The following TEX26 variants were observed in gnomAD, a reference collection of about 807,000 sequenced individuals.
TEX26 encodes the protein testis-expressed protein 26.
TEX26 carries 34 observed loss-of-function variants against 35.3 expected under a neutral mutation model. That is an observed-to-expected ratio of 0.96 (90% CI 0.73 to 1.28). TEX26 has a LOEUF of 1.28. Ranked by LOEUF, TEX26 falls within the 50% of genes most tolerant of loss-of-function variation. The pLI, the probability that TEX26 is intolerant of heterozygous loss-of-function variation, is 0.00. For missense variants in TEX26, 371 were observed against 330.1 expected (o/e 1.12, Z -0.96); for synonymous variants, 136 against 111.8 (o/e 1.22, Z -1.36).
At chr13:30,944,443 ATT>A (rs1953627579) in intron 2 of TEX26, among the ~76,000 whole-genome samples, 1 of 150,666 alleles carries the variant, frequency 6.6e-6, no homozygotes, top group South Asian at 2.1e-4. Flanking sequence ...GTTTAATTTC[ATT>A]TTGTTCTTCT....
chr13:30,937,069 C>A, intron 1 of TEX26: 1 of 875,506 alleles, frequency 1.1e-6, no homozygotes, highest in Non-Finnish European at 1.4e-6. Flanking sequence ...ATCAAGTGTG[C>A]ATCCAAGCAG....
chr13:30,941,103 G>T (rs542674808), intron 2 of TEX26, among the ~76,000 whole-genome samples: 85 of 152,264 alleles, frequency 5.6e-4, no homozygotes, highest in African/African-American at 2.0e-3. Flanking sequence ...GCCATCTGGG[G>T]CTCAGTTTTG....
intron 4 of TEX26, among the ~76,000 whole-genome samples, chr13:30,960,362 C>A (rs1954290411): frequency 6.6e-6 from 1 of 152,192 alleles, no homozygotes; most frequent in Non-Finnish European, 1.5e-5. Flanking sequence ...CATGCCTTAG[C>A]CTCCTGAGTA....
chr13:30,961,581 C>A (rs1954346178), intron 4 of TEX26, among the ~76,000 whole-genome samples: 1 of 152,192 alleles, frequency 6.6e-6, no homozygotes, highest in Non-Finnish European at 1.5e-5. Context: ...GATCATTTTG[C>A]TGGAGTTTGG....
In TEX26 at chr13:30,975,476, C is replaced by T. The variant is rs1954848028; in HGVS notation, c.*569C>T. On this transcript the variant is annotated 3_prime_UTR_variant, in exon 7 of 7. Coordinates refer to ENST00000380473, the MANE Select transcript of TEX26 (RefSeq NM_152325.3). ...CAATTCTGAAAGAATATTGGAACCT[C>T]CCACAATAAATATATTTTTATCAAT... is the stretch of plus-strand genomic sequence containing the variant. 6.6e-6 allele frequency: 1 copy of T among 151,992 alleles called. No individual in the cohort carries two copies. Among genetic ancestry groups the T allele is most frequent in the South Asian group, 2.1e-4 (1 of 4,810 alleles). 9.4% of individuals were successfully genotyped at this position (151,992 alleles called of 1,614,324 possible).
At chr13:30,932,920 TC>T in intron 1 of TEX26, 144 bp downstream of exon 1, 1 of 853,290 alleles carries the variant, frequency 1.2e-6, no homozygotes. Flanking sequence ...AGACGGGGAG[TC>T]AGGGAGAATG....
chr13:30,967,738 C>T lies in TEX26; in HGVS notation c.647-1147C>T, dbSNP rs181687772. Reference sequence around the variant, plus strand: ...GGTTGTGAAAATTTGGTTTTTACATCGTGATTCTATTATTTTTTTCATGAT... The same window carrying T: ...GGTTGTGAAAATTTGGTTTTTACATTGTGATTCTATTATTTTTTTCATGAT... On this transcript the variant is annotated intron_variant, in intron 5 of 6. Coordinates refer to ENST00000380473, the MANE Select transcript of TEX26 (RefSeq NM_152325.3). Among the ~76,000 whole-genome samples, 7 of 152,148 alleles carry T rather than the reference C, an allele frequency of 4.6e-5. No individual in the cohort carries two copies. The South Asian group carries it at 6.2e-4, about 14-fold the overall frequency.
chr13:30,971,854 C>T (rs910123716), intron 6 of TEX26, among the ~76,000 whole-genome samples: 1 of 152,052 alleles, frequency 6.6e-6, no homozygotes, highest in Non-Finnish European at 1.5e-5. Context: ...GATCTGATAC[C>T]CAGTTTTCTG....
rs142370943 is a variant in TEX26, at chr13:30,966,477, G to A, written c.646+79G>A. ...TTTGAGACGGAGTTTCCCTCTTGTC[G>A]CCCAGGCTGGAGTGCAGTGGCACAA... On this transcript the variant is annotated intron_variant, in intron 5 of 6. Coordinates refer to ENST00000380473, the MANE Select transcript of TEX26 (RefSeq NM_152325.3). 5.2e-4 allele frequency: 683 copies of A among 1,307,234 alleles called. 3 individuals carry two copies. The highest frequency in any genetic ancestry group is 4.6e-3 in the East Asian group (182 of 39,478). The allele number at this position is 1,307,234 out of a possible 1,614,324, so 81.0% of individuals were successfully genotyped here.
intron 6 of TEX26, among the ~76,000 whole-genome samples, chr13:30,971,624 T>C (rs117290479): frequency 6.6e-6 from 1 of 152,214 alleles, no homozygotes. Context: ...AGGCAAACCT[T>C]TCATTTCCAC....
chr13:30,945,609 G>T (rs1007285090), intron 2 of TEX26, among the ~76,000 whole-genome samples: 1 of 151,716 alleles, frequency 6.6e-6, no homozygotes, highest in Non-Finnish European at 1.5e-5. Flanking sequence ...ACTCCTTTTA[G>T]CATTTCTTGT....
At chr13:30,955,431 A>T (rs909699416) in intron 3 of TEX26, among the ~76,000 whole-genome samples, 4 of 152,266 alleles carry the variant, frequency 2.6e-5, no homozygotes, top group Non-Finnish European at 5.9e-5. Flanking sequence ...TGGCTTCTTC[A>T]ATAGATAAAT....
chr13:30,951,142 G>A (rs1432825868), intron 2 of TEX26, among the ~76,000 whole-genome samples: 3 of 151,958 alleles, frequency 2.0e-5, no homozygotes, highest in South Asian at 2.1e-4. Flanking sequence ...TGAGGCTAGA[G>A]GTTCAAGACC....
chr13:30,937,699 C>T (rs73165072), intron 1 of TEX26, among the ~76,000 whole-genome samples: 18,902 of 152,202 alleles, frequency 0.12, 1,516 homozygotes, highest in South Asian at 0.21. Context: ...AGAGCAGACA[C>T]TAGGAGTGCA....
At chr13:30,940,403 G>A (rs879825283) in intron 2 of TEX26, among the ~76,000 whole-genome samples, 10 of 132,984 alleles carry the variant, frequency 7.5e-5, no homozygotes, top group Non-Finnish European at 1.2e-4. Context: ...GTACGATCTC[G>A]GCTCACTGCA....
intron 4 of TEX26, among the ~76,000 whole-genome samples, chr13:30,961,754 G>A (rs6561018): frequency 0.14 from 21,902 of 151,980 alleles, 1,683 homozygotes; most frequent in African/African-American, 0.19. Context: ...TTCCATTTGT[G>A]TCTTACCCAA....
intron 2 of TEX26, among the ~76,000 whole-genome samples, chr13:30,941,632 C>T (rs903720709): frequency 3.3e-5 from 5 of 152,058 alleles, no homozygotes; most frequent in African/African-American, 1.2e-4. Flanking sequence ...ATTTTTTATT[C>T]CTCACCCACT....
intron 6 of TEX26, among the ~76,000 whole-genome samples, chr13:30,972,899 A>C (rs1203135675): frequency 2.0e-5 from 3 of 152,234 alleles, no homozygotes; most frequent in East Asian, 1.9e-4. Flanking sequence ...GGCCTTCCAA[A>C]GTGCTGGAAT....
At chr13:30,954,027 A>G (rs566827859) in intron 3 of TEX26, among the ~76,000 whole-genome samples, 1 of 152,306 alleles carries the variant, frequency 6.6e-6, no homozygotes, top group African/African-American at 2.4e-5. Context: ...AACATGGTGG[A>G]GGACCAGGTT....
Sources: allele counts gnomAD v4.1 joint callset (sites outside exome capture counted in the v4.1 genomes callset), GRCh38; gene constraint gnomAD v4.1.1; transcripts MANE v1.5; gene names NCBI Gene and HGNC (gene_info 2026-07-23, HGNC 2026-07-21).